The following SPOCK1 variants were observed in gnomAD, a reference collection of about 807,000 sequenced individuals.
The protein encoded by SPOCK1 is testican-1.
In SPOCK1, 23 loss-of-function variants were observed where a neutral mutation model predicts 55.3. That is an observed-to-expected ratio of 0.42 (90% CI 0.30 to 0.59). The LOEUF is 0.59. Among genes scored for constraint, SPOCK1 ranks in the 20% least tolerant of loss-of-function variants. The pLI, the probability that SPOCK1 is intolerant of heterozygous loss-of-function variation, is 0.22. For missense variants in SPOCK1, 499 were observed against 552.5 expected (o/e 0.90, Z 0.97); for synonymous variants, 226 against 221.0 (o/e 1.02, Z -0.20).
At chr5:137,248,128 C>G (rs115492866) in intron 3 of SPOCK1, among the ~76,000 whole-genome samples, 5 of 152,276 alleles carry the variant, frequency 3.3e-5, no homozygotes, top group African/African-American at 1.2e-4. Context: ...TACCAACAAA[C>G]TTTTAACATT....
chr5:137,314,604 C>G (rs1406705804), intron 2 of SPOCK1, among the ~76,000 whole-genome samples: 1 of 152,228 alleles, frequency 6.6e-6, no homozygotes, highest in African/African-American at 2.4e-5. Context: ...GGAACACACA[C>G]TCTGTTCTCT....
intron 2 of SPOCK1, among the ~76,000 whole-genome samples, chr5:137,282,079 A>G (rs550567897): frequency 1.3e-5 from 2 of 152,330 alleles, no homozygotes; most frequent in South Asian, 4.1e-4. Context: ...CTATCGGGTT[A>G]ACGGGAGGAT....
At chr5:137,309,338 G>T (rs2127141481) in intron 2 of SPOCK1, among the ~76,000 whole-genome samples, 1 of 152,242 alleles carries the variant, frequency 6.6e-6, no homozygotes, top group South Asian at 2.1e-4. Context: ...TCCTGCTCAG[G>T]GTCCCAGGTG....
At chr5:137,152,360 T>C (rs1030823802) in intron 3 of SPOCK1, among the ~76,000 whole-genome samples, 1 of 152,188 alleles carries the variant, frequency 6.6e-6, no homozygotes, top group Admixed American at 6.5e-5. Flanking sequence ...GCTAATTACT[T>C]CCCTTACATT....
intron 2 of SPOCK1, among the ~76,000 whole-genome samples, chr5:137,308,201 A>G (rs1488915444): frequency 6.6e-6 from 1 of 152,188 alleles, no homozygotes; most frequent in Non-Finnish European, 1.5e-5. Context: ...AAAAGATATC[A>G]TCTCATTAAT....
chr5:137,099,233 C>T (rs1753213601), intron 5 of SPOCK1, among the ~76,000 whole-genome samples: 1 of 152,148 alleles, frequency 6.6e-6, no homozygotes, highest in South Asian at 2.1e-4. Context: ...ATGAGAAACA[C>T]AGAAACAAAC....
intron 4 of SPOCK1, among the ~76,000 whole-genome samples, chr5:137,135,163 A>G (rs2127047800): frequency 6.6e-6 from 1 of 152,332 alleles, no homozygotes; most frequent in South Asian, 2.1e-4. Flanking sequence ...CCTCCCTCCC[A>G]TTCACAATAC....
At chr5:137,377,740 G>A (rs1156901222) in intron 2 of SPOCK1, among the ~76,000 whole-genome samples, 2 of 152,104 alleles carry the variant, frequency 1.3e-5, no homozygotes, top group Non-Finnish European at 2.9e-5. Flanking sequence ...AAGGATTCCG[G>A]ATTCTCTTAC....
At chr5:137,317,981 A>G (rs1757912194) in intron 2 of SPOCK1, among the ~76,000 whole-genome samples, 1 of 152,110 alleles carries the variant, frequency 6.6e-6, no homozygotes, top group South Asian at 2.1e-4. Context: ...AGTAACAAAT[A>G]CTTTTAATTT....
intron 2 of SPOCK1, among the ~76,000 whole-genome samples, chr5:137,353,875 A>G (rs756155087): frequency 2.0e-5 from 3 of 152,006 alleles, no homozygotes; most frequent in Admixed American, 1.3e-4. Flanking sequence ...CTAAGTTTCC[A>G]TTCCTTACCC....
chr5:137,020,792 C>T (rs1485946611), intron 6 of SPOCK1, among the ~76,000 whole-genome samples: 1 of 151,758 alleles, frequency 6.6e-6, no homozygotes, highest in Non-Finnish European at 1.5e-5. Flanking sequence ...GCCAGAATGA[C>T]CAATAAATAT....
intron 2 of SPOCK1, among the ~76,000 whole-genome samples, chr5:137,308,339 T>C (rs893455656): frequency 6.6e-6 from 1 of 152,200 alleles, no homozygotes; most frequent in Admixed American, 6.5e-5. Context: ...CTGCTCTGTA[T>C]CAGAGAGAAA....
chr5:137,172,240 G>A (rs531437388), intron 3 of SPOCK1, among the ~76,000 whole-genome samples: 1 of 152,170 alleles, frequency 6.6e-6, no homozygotes, highest in Non-Finnish European at 1.5e-5. Context: ...GAAAGTGCCT[G>A]ATCCTGCAAG....
intron 2 of SPOCK1, among the ~76,000 whole-genome samples, chr5:137,379,090 T>C (rs138798181): frequency 0.014 from 2,135 of 152,170 alleles, 36 homozygotes; most frequent in Admixed American, 0.014. Flanking sequence ...TCCAAGAGCC[T>C]AAACACTCTC....
At chr5:137,260,587 C>T (rs1181461896) in intron 3 of SPOCK1, among the ~76,000 whole-genome samples, 1 of 152,056 alleles carries the variant, frequency 6.6e-6, no homozygotes, top group Non-Finnish European at 1.5e-5. Flanking sequence ...AGAAGGGGCA[C>T]CCATGAGATT....
intron 5 of SPOCK1, among the ~76,000 whole-genome samples, chr5:137,081,293 AAATGC>A (rs1486059136): frequency 6.6e-6 from 1 of 152,230 alleles, no homozygotes; most frequent in Admixed American, 6.5e-5. Context: ...CAGGGAGAAG[AAATGC>A]AGACGGAGAA....
At chr5:137,461,813 C>T (rs1753495548) in intron 2 of SPOCK1, among the ~76,000 whole-genome samples, 1 of 152,138 alleles carries the variant, frequency 6.6e-6, no homozygotes, top group African/African-American at 2.4e-5. Context: ...AAGTATCTTC[C>T]AGCAACCCTC....
At chr5:137,116,057 C>A (rs1171468112) in intron 4 of SPOCK1, among the ~76,000 whole-genome samples, 1 of 152,088 alleles carries the variant, frequency 6.6e-6, no homozygotes, top group Non-Finnish European at 1.5e-5. Flanking sequence ...GTTCTGTCAG[C>A]CTTCTCTCAT....
intron 5 of SPOCK1, among the ~76,000 whole-genome samples, chr5:137,081,723 A>G (rs780271235): frequency 2.6e-5 from 4 of 152,262 alleles, no homozygotes; most frequent in Non-Finnish European, 5.9e-5. Context: ...ATGAAACAGT[A>G]ACTTAAACTT....
Sources: gnomAD v4.1 joint callset for allele counts (sites outside exome capture counted in the v4.1 genomes callset) on GRCh38, gnomAD v4.1.1 for gene constraint, MANE v1.5 for transcripts, NCBI Gene and HGNC (gene_info 2026-07-23, HGNC 2026-07-21) for gene names.